Variants in PSME4 observed in about 807,000 individuals in gnomAD.
The protein encoded by PSME4 is proteasome activator subunit 4, also known as proteasome activator complex subunit 4.
A neutral mutation model predicts 253.9 loss-of-function variants in PSME4; 89 were observed. The ratio of observed to expected loss-of-function variants is 0.35; its 90% CI spans 0.30 to 0.42. The LOEUF is 0.42. PSME4 is among the 10% of genes least tolerant of loss of function. The pLI is 1.00. For synonymous variants in PSME4, 851 were observed against 759.2 expected (o/e 1.12, Z -1.99); for missense variants, 2,014 against 2,195.2 (o/e 0.92, Z 1.65).
At chr2:53,899,776 T>C (rs1680308820) in intron 29 of PSME4, 105 bp downstream of exon 29, 2 of 1,362,058 alleles carry the variant, frequency 1.5e-6, no homozygotes, top group Admixed American at 4.3e-5. Flanking sequence ...CATGATCGTC[T>C]CACTGTACTC....
chr2:53,949,074 T>C (rs1439181143), intron 2 of PSME4, 69 bp downstream of exon 2: 1 of 1,451,338 alleles, frequency 6.9e-7, no homozygotes, highest in Non-Finnish European at 9.1e-7. Flanking sequence ...CAAAAACACT[T>C]AGTCCTCATT....
At chr2:53,966,700 G>T (rs1354412735) in intron 1 of PSME4, among the ~76,000 whole-genome samples, 1 of 152,072 alleles carries the variant, frequency 6.6e-6, no homozygotes, top group Non-Finnish European at 1.5e-5. Flanking sequence ...CAAGTTTTTT[G>T]GGGTTTTTTT....
chr2:53,936,380 T>C (rs1669115862), intron 6 of PSME4, among the ~76,000 whole-genome samples: 1 of 152,046 alleles, frequency 6.6e-6, no homozygotes, highest in African/African-American at 2.4e-5. Flanking sequence ...AAAAGAAAAA[T>C]GACAAAGCAC....
At chr2:53,943,898 G>C (rs891340649) in intron 3 of PSME4, among the ~76,000 whole-genome samples, 1 of 148,638 alleles carries the variant, frequency 6.7e-6, no homozygotes, top group Non-Finnish European at 1.5e-5. Context: ...CATTTTCCTT[G>C]CTGATGCACA....
intron 1 of PSME4, among the ~76,000 whole-genome samples, chr2:53,962,996 C>A (rs1326552234): frequency 3.4e-5 from 5 of 147,456 alleles, no homozygotes; most frequent in African/African-American, 1.3e-4. Flanking sequence ...GGTAACAGAG[C>A]GAGACTCAGT....
At chr2:53,882,418 A>C (rs1679435289) in intron 41 of PSME4, among the ~76,000 whole-genome samples, 1 of 152,170 alleles carries the variant, frequency 6.6e-6, no homozygotes, top group African/African-American at 2.4e-5. Flanking sequence ...AATGCACATA[A>C]TTCCTTGTTA....
intron 5 of PSME4, among the ~76,000 whole-genome samples, 158 bp from the exon 6 acceptor site, chr2:53,936,985 TTTC>T (rs1406441110): frequency 6.6e-6 from 1 of 152,204 alleles, no homozygotes; most frequent in Non-Finnish European, 1.5e-5. Flanking sequence ...CAAAGGGGTA[TTTC>T]TTGTCTGAAT....
chr2:53,875,563 G>A (rs1679079978), intron 42 of PSME4, 64 bp downstream of exon 42: 2 of 1,490,804 alleles, frequency 1.3e-6, no homozygotes, highest in Non-Finnish European at 1.8e-6. Flanking sequence ...GCAGCTGACT[G>A]AAATTCTTAG....
intron 36 of PSME4, among the ~76,000 whole-genome samples, chr2:53,890,508 T>C (rs1679856188): frequency 6.6e-6 from 1 of 152,184 alleles, no homozygotes; most frequent in Non-Finnish European, 1.5e-5. Flanking sequence ...GATCTTGCTA[T>C]GTTGCCCAGG....
At chr2:53,929,826 T>G (rs1457406954) in intron 10 of PSME4, among the ~76,000 whole-genome samples, 1 of 152,056 alleles carries the variant, frequency 6.6e-6, no homozygotes, top group Non-Finnish European at 1.5e-5. Flanking sequence ...AAGATCAGCC[T>G]GACCAACATG....
intron 20 of PSME4, among the ~76,000 whole-genome samples, chr2:53,915,672 A>G (rs1045665269): frequency 1.3e-5 from 2 of 152,136 alleles, no homozygotes; most frequent in Non-Finnish European, 1.5e-5. Context: ...GACAAAGACT[A>G]CTAATACACA....
At chr2:53,875,821 C>T (rs1558644739) in intron 41 of PSME4, 66 bp from the exon 42 acceptor site, 7 of 1,415,896 alleles carry the variant, frequency 4.9e-6, no homozygotes, top group Non-Finnish European at 5.8e-6. Context: ...AGGCATCCTA[C>T]ATGAGAGACA....
At chr2:53,884,935 A>G (rs1679567067) in intron 41 of PSME4, among the ~76,000 whole-genome samples, 1 of 152,218 alleles carries the variant, frequency 6.6e-6, no homozygotes, top group Non-Finnish European at 1.5e-5. Context: ...AATATACTAT[A>G]GCAAATCAAA....
Position 53,898,171 on chromosome 2 carries a change from A to C in PSME4, c.3476+130T>G. On this transcript the variant is annotated intron_variant, in intron 30 of 46. Coordinates refer to ENST00000404125, the MANE Select transcript of PSME4 (RefSeq NM_014614.3). ...CTTTCCCTCCATCTCTTTTCCTCTTAATCTGCTTCCAAATACACAAACCGG... is the reference window on the plus strand; with the variant it reads ...CTTTCCCTCCATCTCTTTTCCTCTTCATCTGCTTCCAAATACACAAACCGG... 5 of 1,188,698 alleles carry C rather than the reference A, an allele frequency of 4.2e-6. No individual in the cohort carries two copies. In the South Asian group the frequency reaches 7.9e-5, roughly 19 times the overall value. The allele number at this position is 1,188,698 out of a possible 1,614,324, so 73.6% of individuals were successfully genotyped here.
At position 53,913,582 on chromosome 2, in the gene PSME4, A is replaced by AT. The variant is rs368988612; in HGVS notation, c.2517-3453dup. ...AGATGTAAAACCAAGCCACTAATAG[A>AT]TTTTTTCCCTTCAAAGTACAAATGT... is the stretch of plus-strand genomic sequence containing the variant. On this transcript the variant is annotated intron_variant, in intron 20 of 46. Transcript: ENST00000404125. Among the ~76,000 whole-genome samples the AT allele has an allele frequency of 1.2e-3, 183 of 152,246 alleles. 1 individual carries two copies. The highest frequency in any genetic ancestry group is 4.0e-3 in the African/African-American group (166 of 41,546).
chr2:53,938,689 T>G (rs534523503), intron 4 of PSME4, among the ~76,000 whole-genome samples: 5 of 152,162 alleles, frequency 3.3e-5, no homozygotes, highest in Non-Finnish European at 5.9e-5. Context: ...TCAAATAGAC[T>G]TATAGGCTTG....
At chr2:53,886,447 TAA>T (rs1679642298) in intron 40 of PSME4, among the ~76,000 whole-genome samples, 1 of 152,210 alleles carries the variant, frequency 6.6e-6, no homozygotes, top group East Asian at 1.9e-4. Context: ...GAATGGCTAA[TAA>T]AGATTCTTGA....
intron 1 of PSME4, among the ~76,000 whole-genome samples, chr2:53,952,763 C>T (rs1558424706): frequency 1.3e-5 from 2 of 152,196 alleles, no homozygotes; most frequent in Non-Finnish European, 2.9e-5. Context: ...AATCTAACAT[C>T]ATGGCTAATC....
At chr2:53,888,058 G>A in intron 38 of PSME4, 69 bp from the exon 39 acceptor site, 1 of 1,435,400 alleles carries the variant, frequency 7.0e-7, no homozygotes. Flanking sequence ...AGTATGGACA[G>A]ACAATATCTG....
Sources: gnomAD v4.1 joint callset for allele counts (sites outside exome capture counted in the v4.1 genomes callset) on GRCh38, gnomAD v4.1.1 for gene constraint, MANE v1.5 for transcripts, NCBI Gene and HGNC (gene_info 2026-07-23, HGNC 2026-07-21) for gene names.